The following ALPK3 variants were observed in gnomAD, a reference collection of about 807,000 sequenced individuals.
The protein encoded by ALPK3 is alpha-protein kinase 3.
Under a neutral mutation model 140.0 loss-of-function variants are expected in ALPK3, and 102 were observed. That is an observed-to-expected ratio of 0.73 (90% CI 0.62 to 0.86). ALPK3 has a LOEUF of 0.86. ALPK3 is among the 40% of genes least tolerant of loss of function. The pLI, the probability that ALPK3 is intolerant of heterozygous loss-of-function variation, is 0.00. For missense variants in ALPK3, 2,254 were observed against 2,208.2 expected (o/e 1.02, Z -0.42); for synonymous variants, 938 against 898.5 (o/e 1.04, Z -0.79).
chr15:84,840,657 C>G lies in ALPK3; in HGVS notation c.1378C>G (p.Pro460Ala). ...CCTCAGGGCTAGAAGCGAGGGGGTG[C>G]CTGGCGCTCCTGGCCAGCCCACACA... ...APLRARSEGV[P>A]GAPGQPTHSL... Residue 460 changes from proline to alanine, a missense_variant, in exon 5 of 14, where the codon CCT (proline) becomes GCT (alanine). By Grantham distance (27) the Pro-to-Ala change is conservative. This residue lies in a region of ALPK3 where 2,088 missense variants were observed against 2,022.9 expected (regional missense o/e 1.03). Coordinates refer to ENST00000258888, the MANE Select transcript of ALPK3 (RefSeq NM_020778.5). The G allele has an allele frequency of 6.3e-7, 1 of 1,578,626 alleles. No homozygotes were observed. Among genetic ancestry groups the G allele is most frequent in the South Asian group, 1.2e-5 (1 of 84,562 alleles).
Position 84,839,949 on chromosome 15 carries a change from A to C in ALPK3, c.670A>C (p.Lys224Gln). 6.2e-7 allele frequency: 1 copy of C among 1,613,596 alleles called. No homozygotes were observed. Among genetic ancestry groups the C allele is most frequent in the Non-Finnish European group, 8.5e-7 (1 of 1,179,730 alleles). ...GCTCAGCCCCGACCGCTTCCAGCGA[A>C]AGCGGCGATTGAGCGGGGCTCAAGC... is the stretch of plus-strand genomic sequence containing the variant. ...RKLSPDRFQRKRRLSGAQAPG... is the reference protein window; with the variant it reads ...RKLSPDRFQRQRRLSGAQAPG... Residue 224 changes from lysine to glutamine, a missense_variant, in exon 5 of 14, where the codon AAG (lysine) becomes CAG (glutamine). By Grantham distance (53) the Lys-to-Gln change is moderately conservative. Around this residue, in one of 3 missense-constraint regions of ALPK3, gnomAD observed 2,088 missense variants for 2,022.9 expected, o/e 1.03. Transcript: ENST00000258888.
chr15:84,842,821 G>A (rs1963682229), intron 5 of ALPK3, among the ~76,000 whole-genome samples: 1 of 152,152 alleles, frequency 6.6e-6, no homozygotes. Context: ...GTCTCCTGTA[G>A]TTTTGGCCAC....
At chr15:84,859,734 C>T (rs913485370) in intron 7 of ALPK3, 42 bp from the exon 8 acceptor site, 1 of 1,581,912 alleles carries the variant, frequency 6.3e-7, no homozygotes, top group African/African-American at 1.3e-5. Context: ...CACAGTCTGC[C>T]CCCATGCCAT....
intron 12 of ALPK3, among the ~76,000 whole-genome samples, chr15:84,866,641 C>T (rs188262455): frequency 3.7e-4 from 56 of 152,352 alleles, no homozygotes; most frequent in African/African-American, 1.3e-3. Context: ...ATCATTTTGC[C>T]TGGCTCTGCC....
At chr15:84,825,246 G>A (rs1001027715) in intron 2 of ALPK3, among the ~76,000 whole-genome samples, 14 of 151,132 alleles carry the variant, frequency 9.3e-5, no homozygotes, top group East Asian at 1.9e-4. Context: ...GCGTGATCTC[G>A]GCTCACTGCA....
intron 3 of ALPK3, among the ~76,000 whole-genome samples, chr15:84,834,212 G>C (rs1325920716): frequency 6.6e-6 from 1 of 152,086 alleles, no homozygotes; most frequent in Non-Finnish European, 1.5e-5. Flanking sequence ...GAAACCTAGG[G>C]CTTTGCCATT....
At chr15:84,863,465 G>A (rs1963970859) in intron 10 of ALPK3, 87 bp from the exon 11 acceptor site, 2 of 1,205,002 alleles carry the variant, frequency 1.7e-6, no homozygotes, top group African/African-American at 1.5e-5. Context: ...TCCCCTAACA[G>A]AATAGGTAGC....
At chr15:84,852,589 G>T in intron 5 of ALPK3, 1 of 301,090 alleles carries the variant, frequency 3.3e-6, no homozygotes, top group Non-Finnish European at 6.5e-6. Context: ...AAGAGCTCTT[G>T]GTTTTGCAGC....
Position 84,870,363 on chromosome 15 carries a change from T to C in ALPK3, c.*1907T>C, listed in dbSNP as rs919043774. 58 of 152,368 alleles carry C rather than the reference T, an allele frequency of 3.8e-4. 1 individual carries two copies. The highest frequency in any genetic ancestry group is 1.3e-3 in the African/African-American group (55 of 41,570). The allele number at this position is 152,368 out of a possible 1,614,324, so 9.4% of individuals were successfully genotyped here. ...GGAGTACTGTTCATTCATTTATTCATTCACCCACTCATTCAGCAGACATAT... is the reference window on the plus strand; with the variant it reads ...GGAGTACTGTTCATTCATTTATTCACTCACCCACTCATTCAGCAGACATAT... On this transcript the variant is annotated 3_prime_UTR_variant, in exon 14 of 14. Transcript: ENST00000258888.
rs1336527186 is a variant in ALPK3 at position 84,849,701 on chromosome 15, A to G, written c.1654-6691A>G. On this transcript the variant is annotated intron_variant, in intron 5 of 13. Transcript: ENST00000258888. ...TAAGGCCAATTAGAAAACATTTTAA[A>G]TTGAATGAAAGTGAAAATACAACAT... Among the ~76,000 whole-genome samples the G allele has an allele frequency of 2.6e-5, 4 of 152,324 alleles. No homozygotes were observed. In the East Asian group the frequency reaches 7.7e-4, roughly 29 times the overall value.
At chr15:84,868,054 C>A (rs546808062) in intron 13 of ALPK3, 57 bp from the exon 14 acceptor site, 177 of 1,543,236 alleles carry the variant, frequency 1.1e-4, no homozygotes, top group African/African-American at 1.0e-3. Flanking sequence ...AGTCCGCCCC[C>A]CAAGGAACTG....
At chr15:84,831,044 C>T (rs1044402034) in intron 3 of ALPK3, among the ~76,000 whole-genome samples, 2 of 152,098 alleles carry the variant, frequency 1.3e-5, no homozygotes, top group African/African-American at 4.8e-5. Context: ...CTTTTTCTTG[C>T]GAATTTGGCT....
chr15:84,866,004 GTC>G (rs1300049194), intron 12 of ALPK3, among the ~76,000 whole-genome samples: 4 of 152,190 alleles, frequency 2.6e-5, no homozygotes, highest in Non-Finnish European at 5.9e-5. Context: ...TTCTAGCTGA[GTC>G]TGTTTTACAA....
chr15:84,865,109 AG>A, intron 12 of ALPK3, among the ~76,000 whole-genome samples: 1 of 152,130 alleles, frequency 6.6e-6, no homozygotes, highest in Admixed American at 6.5e-5. Flanking sequence ...CATCTTTGTT[AG>A]CTTTTCGTTA....
intron 3 of ALPK3, among the ~76,000 whole-genome samples, chr15:84,833,830 C>T (rs548973719): frequency 3.3e-4 from 50 of 152,284 alleles, no homozygotes; most frequent in African/African-American, 1.0e-3. Flanking sequence ...AGTGGGCCTC[C>T]GCTAGCTCCT....
At chr15:84,864,912 A>T (rs550067183) in intron 12 of ALPK3, among the ~76,000 whole-genome samples, 2 of 152,342 alleles carry the variant, frequency 1.3e-5, no homozygotes, top group East Asian at 3.8e-4. Context: ...AGGCTCAATT[A>T]AAAGTAAAAA....
intron 5 of ALPK3, among the ~76,000 whole-genome samples, chr15:84,843,675 G>T (rs960195923): frequency 3.9e-5 from 6 of 152,202 alleles, no homozygotes; most frequent in African/African-American, 1.2e-4. Flanking sequence ...CAGGCACCTG[G>T]CAGAAGCAAA....
Position 84,858,309 on chromosome 15 carries a change from G to C in ALPK3, c.3571G>C (p.Val1191Leu). The part of the protein sequence containing the change: ...TTPEERESPT[V>L]SPRGPRKSLV... ...ACCTGAAGAAAGGGAGAGCCCCACG[G>C]TTTCCCCCCGGGGGCCCAGGAAAAG... The change falls in exon 6 of 14, where the codon GTT becomes CTT. Residue 1191 changes from valine (V) to leucine (L), a missense_variant. By Grantham distance (32) the Val-to-Leu change is conservative (BLOSUM62 1). Around this residue, in one of 3 missense-constraint regions of ALPK3, gnomAD observed 2,088 missense variants for 2,022.9 expected, o/e 1.03. Transcript: ENST00000258888. 1 of 1,568,404 alleles carries C rather than the reference G, an allele frequency of 6.4e-7. No homozygotes were observed. The highest frequency in any genetic ancestry group is 8.6e-7 in the Non-Finnish European group (1 of 1,156,828).
intron 1 of ALPK3, among the ~76,000 whole-genome samples, chr15:84,818,825 A>G (rs1439689765): frequency 3.9e-5 from 6 of 152,212 alleles, no homozygotes; most frequent in Non-Finnish European, 8.8e-5. Flanking sequence ...GCTGCCAGGA[A>G]AGAATACCCC....
Sources: gnomAD v4.1 joint callset for allele counts (sites outside exome capture counted in the v4.1 genomes callset) on GRCh38, gnomAD v4.1.1 for gene constraint, gnomAD v4.1.1 regional missense constraint, MANE v1.5 for transcripts, NCBI Gene and HGNC (gene_info 2026-07-23, HGNC 2026-07-21) for gene names.